The following CTNNA2 variants were observed in gnomAD, a reference collection of about 807,000 sequenced individuals.
The protein encoded by CTNNA2 is catenin alpha 2, also known as catenin alpha-2.
In CTNNA2, 42 loss-of-function variants were observed where a neutral mutation model predicts 101.0. That is an observed-to-expected ratio of 0.42 (90% confidence interval 0.32 to 0.54). CTNNA2 has a LOEUF of 0.54. Ranked by LOEUF, CTNNA2 falls within the 20% of genes least tolerant of loss-of-function variation. CTNNA2 has a pLI of 0.14. For missense variants in CTNNA2, 871 were observed against 1,223.1 expected (o/e 0.71, Z 4.29); for synonymous variants, 450 against 456.4 (o/e 0.99, Z 0.18).
At chr2:79,930,472 G>A (rs1687369050) in intron 7 of CTNNA2, among the ~76,000 whole-genome samples, 1 of 152,112 alleles carries the variant, frequency 6.6e-6, no homozygotes, top group South Asian at 2.1e-4. Flanking sequence ...GACAGTAAAG[G>A]CAACCAGGCC....
At chr2:79,909,822 A>T (rs751936084) in intron 7 of CTNNA2, 25 bp downstream of exon 7, 3 of 1,568,452 alleles carry the variant, frequency 1.9e-6, no homozygotes, top group Non-Finnish European at 2.6e-6. Flanking sequence ...CTCCATTCTC[A>T]TGTCTTGGTG....
chr2:80,619,022 C>CTTTTTTTTTTTTT (rs56987036), intron 17 of CTNNA2, 63 bp from the exon 18 acceptor site: 1 of 839,812 alleles, frequency 1.2e-6, no homozygotes. Flanking sequence ...AAGTAGGGTA[C>CTTTTTTTTTTTTT]TTTTTTTTTT....
At chr2:80,106,044 G>A (rs1433093564) in intron 7 of CTNNA2, among the ~76,000 whole-genome samples, 1 of 152,212 alleles carries the variant, frequency 6.6e-6, no homozygotes, top group African/African-American at 2.4e-5. Context: ...CACAGGTAAG[G>A]AGGATACCGG....
At chr2:79,865,964 C>T (rs1050372939) in intron 4 of CTNNA2, among the ~76,000 whole-genome samples, 1 of 152,212 alleles carries the variant, frequency 6.6e-6, no homozygotes, top group Non-Finnish European at 1.5e-5. Flanking sequence ...CGTGATCCGC[C>T]CGCCTCGGCC....
rs75114335 is a variant in CTNNA2, at chr2:79,463,024, T to C, written c.-134-42030T>C. ...CTAGACTATCAATGCTTACCAGCCC[T>C]TGCTGGGTAGATAACTTCTCTATTC... is the stretch of plus-strand genomic sequence containing the variant. On this transcript the variant is annotated intron_variant, in intron 4 of 21. Transcript: ENST00000466387. Among the ~76,000 whole-genome samples the C allele has an allele frequency of 0.011, 1,641 of 152,266 alleles. 81 individuals are homozygous for C. The East Asian group carries it at 0.13, about 12-fold the overall frequency.
At chr2:80,130,547 G>T (rs867290919) in intron 7 of CTNNA2, among the ~76,000 whole-genome samples, 5 of 152,148 alleles carry the variant, frequency 3.3e-5, no homozygotes, top group Non-Finnish European at 2.9e-5. Flanking sequence ...GTAAAAAGAT[G>T]CAAGTTATGT....
chr2:80,098,354 C>T (rs1192801059), intron 7 of CTNNA2, among the ~76,000 whole-genome samples: 8 of 146,952 alleles, frequency 5.4e-5, no homozygotes, highest in Admixed American at 2.0e-4. Flanking sequence ...GCTGCCTGAT[C>T]GTTCCTCTGG....
intron 15 of CTNNA2, among the ~76,000 whole-genome samples, chr2:80,601,417 C>CTTTTTTTTTTTTTTTTTTTTT (rs375645223): frequency 2.3e-4 from 22 of 94,190 alleles, no homozygotes; most frequent in South Asian, 6.5e-4. Context: ...TTCTTTCTTT[C>CTTTTTTTTTTTTTTTTTTTTT]TTTCTTTTTT....
At chr2:79,711,284 G>T (rs1047722534) in intron 2 of CTNNA2, among the ~76,000 whole-genome samples, 3 of 152,152 alleles carry the variant, frequency 2.0e-5, no homozygotes, top group Non-Finnish European at 4.4e-5. Context: ...TGTTGACACT[G>T]CATTTTGCTC....
At chr2:80,047,333 G>T (rs1380149604) in intron 7 of CTNNA2, among the ~76,000 whole-genome samples, 1 of 152,160 alleles carries the variant, frequency 6.6e-6, no homozygotes, top group African/African-American at 2.4e-5. Context: ...GAACCTAGAG[G>T]CTACCGTATG....
chr2:79,862,664 A>G (rs1048899877), intron 4 of CTNNA2, among the ~76,000 whole-genome samples: 1 of 152,194 alleles, frequency 6.6e-6, no homozygotes, highest in East Asian at 1.9e-4. Context: ...GGTGCTGACC[A>G]TATGCAAAAC....
At chr2:80,105,288 C>T (rs1430050134) in intron 7 of CTNNA2, among the ~76,000 whole-genome samples, 1 of 152,106 alleles carries the variant, frequency 6.6e-6, no homozygotes, top group East Asian at 1.9e-4. Flanking sequence ...TATATGCAGT[C>T]CTAATTAAAA....
intron 17 of CTNNA2, among the ~76,000 whole-genome samples, chr2:80,614,532 A>C (rs1219239108): frequency 6.6e-6 from 1 of 151,338 alleles, no homozygotes; most frequent in Non-Finnish European, 1.5e-5. Context: ...ATACCAAGGG[A>C]TGACTGTATC....
intron 17 of CTNNA2, among the ~76,000 whole-genome samples, chr2:80,618,415 G>A (rs1699025724): frequency 6.6e-6 from 1 of 151,826 alleles, no homozygotes; most frequent in African/African-American, 2.4e-5. Flanking sequence ...TATATTGAAA[G>A]AATCTTATGA....
chr2:80,588,697 C>T (rs1486310952), intron 14 of CTNNA2, among the ~76,000 whole-genome samples: 1 of 152,156 alleles, frequency 6.6e-6, no homozygotes, highest in Non-Finnish European at 1.5e-5. Flanking sequence ...CAAGGAGCCG[C>T]AGGCATGCCA....
chr2:80,437,965 A>G (rs1006134129), intron 9 of CTNNA2, among the ~76,000 whole-genome samples: 7 of 152,216 alleles, frequency 4.6e-5, no homozygotes, highest in Admixed American at 6.5e-5. Context: ...GCTGCATTGC[A>G]GCCATTGCAC....
At chr2:80,457,311 G>A (rs780465026) in intron 9 of CTNNA2, among the ~76,000 whole-genome samples, 1 of 151,958 alleles carries the variant, frequency 6.6e-6, no homozygotes, top group African/African-American at 2.4e-5. Flanking sequence ...TTTTCTGCCC[G>A]CCTTGGCCTC....
intron 9 of CTNNA2, among the ~76,000 whole-genome samples, chr2:80,437,736 C>T (rs886328342): frequency 2.0e-5 from 3 of 152,218 alleles, no homozygotes; most frequent in Admixed American, 6.5e-5. Context: ...CAGTGGCTTT[C>T]GCCTGTAATC....
rs755065502 is a variant in CTNNA2, at chr2:80,546,073, A to G, written c.1540+10A>G. On this transcript the variant is annotated intron_variant, in intron 11 of 18. Transcript: ENST00000402739. ...TTCCTCTCTGTCTCAGGTAATCATC[A>G]CAAACAGGTCCCTTACAAGGCAGCT... 5 of 1,613,324 alleles carry G rather than the reference A, an allele frequency of 3.1e-6. No individual in the cohort carries two copies. The Admixed American group carries it at 8.3e-5, about 27-fold the overall frequency.
Sources: gnomAD v4.1 joint callset for allele counts (sites outside exome capture counted in the v4.1 genomes callset) on GRCh38, gnomAD v4.1.1 for gene constraint, MANE v1.5 for transcripts, NCBI Gene and HGNC (gene_info 2026-07-23, HGNC 2026-07-21) for gene names.